MOBP: variants seen among roughly 807,000 people sequenced by gnomAD.
MOBP encodes myelin associated oligodendrocyte basic protein, also known as myelin-associated oligodendrocyte basic protein.
In MOBP, 5 loss-of-function variants were observed where a neutral mutation model predicts 15.0. The ratio of observed to expected loss-of-function variants is 0.33; its 90% CI spans 0.17 to 0.70. The LOEUF is 0.70. Among genes scored for constraint, MOBP ranks in the 30% least tolerant of loss-of-function variants. The pLI is 0.67. For missense variants in MOBP, 188 were observed against 257.8 expected (o/e 0.73, Z 1.85); for synonymous variants, 88 against 99.0 (o/e 0.89, Z 0.66).
intron 1 of MOBP, among the ~76,000 whole-genome samples, chr3:39,469,554 C>T (rs946707029): frequency 6.6e-6 from 1 of 152,010 alleles, no homozygotes; most frequent in Non-Finnish European, 1.5e-5. Context: ...GTTGTCCTGT[C>T]CCCTCAGCCT....
intron 2 of MOBP, among the ~76,000 whole-genome samples, chr3:39,490,494 C>T (rs533464569): frequency 6.6e-6 from 1 of 152,266 alleles, no homozygotes; most frequent in East Asian, 1.9e-4. Flanking sequence ...AAATGTTAGA[C>T]ACTTCCTCTT....
chr3:39,487,768 C>T (rs1007208538), intron 2 of MOBP, among the ~76,000 whole-genome samples: 3 of 151,768 alleles, frequency 2.0e-5, no homozygotes, highest in Admixed American at 6.6e-5. Flanking sequence ...GTGATCTGCC[C>T]GCATCGGCCT....
In MOBP at chr3:39,511,567, C is replaced by G. The variant is rs375199936; in HGVS notation, c.*-1816C>G. On this transcript the variant is annotated intron_variant, in intron 4 of 4. Transcript: ENST00000311042. ...AGTGATAAGGGGTCCTGGCATAGCC[C>G]TCTGACTTAAGAGCCTTCACACTTC... is the stretch of plus-strand genomic sequence containing the variant. Among the ~76,000 whole-genome samples the G allele has an allele frequency of 1.4e-4, 22 of 152,274 alleles. No individual in the cohort carries two copies. In the East Asian group the frequency reaches 2.7e-3, roughly 19 times the overall value.
chr3:39,477,617 A>C (rs924320800), intron 1 of MOBP, among the ~76,000 whole-genome samples: 1 of 151,106 alleles, frequency 6.6e-6, no homozygotes, highest in African/African-American at 2.4e-5. Flanking sequence ...GCTTGTATTA[A>C]AAAAAAGGTA....
chr3:39,482,740 G>A (rs2042646858), intron 2 of MOBP, among the ~76,000 whole-genome samples: 1 of 150,010 alleles, frequency 6.7e-6, no homozygotes, highest in Non-Finnish European at 1.5e-5. Context: ...CTCCCTTATA[G>A]TATTTTTTGA....
Position 39,475,255 on chromosome 3 carries a change from A to G in MOBP, c.-88-4785A>G, listed in dbSNP as rs143514457. Among the ~76,000 whole-genome samples, 8 of 152,322 alleles carry G rather than the reference A, an allele frequency of 5.3e-5. No individual in the cohort carries two copies. In the East Asian group the frequency reaches 1.5e-3, roughly 29 times the overall value. On this transcript the variant is annotated intron_variant, in intron 1 of 3. Coordinates refer to ENST00000684792, the MANE Select transcript of MOBP (RefSeq NM_001393704.1). ...TACACAGGGATGATGTGTGCTTCTC[A>G]TATCAGAGAATAAACGAGGATGATC...
chr3:39,468,354 T>C (rs1559411185), intron 1 of MOBP, among the ~76,000 whole-genome samples: 3 of 152,136 alleles, frequency 2.0e-5, no homozygotes, highest in Non-Finnish European at 4.4e-5. Context: ...GAAAAAATAT[T>C]ATGTGTCAGG....
At chr3:39,514,022 A>C (rs1311612267) in exon 5 of MOBP, 1 of 152,482 alleles carries the variant, frequency 6.6e-6, no homozygotes, top group Non-Finnish European at 1.5e-5. Flanking sequence ...TGATCCAGAG[A>C]TGCAAAGAAA....
At chr3:39,503,177 TC>T, downstream of MOBP, 1 of 408,634 alleles carries the variant, frequency 2.4e-6, no homozygotes, top group East Asian at 4.0e-5. Flanking sequence ...ATAAATGAGT[TC>T]CTCAATGCCT....
chr3:39,499,870 T>C, intron 2 of MOBP: 3 of 379,172 alleles, frequency 7.9e-6, no homozygotes, highest in South Asian at 6.0e-5. Context: ...TGCTTAGGTA[T>C]CAGTCATTCC....
chr3:39,489,331 T>C (rs2042760642), intron 2 of MOBP, among the ~76,000 whole-genome samples: 1 of 152,170 alleles, frequency 6.6e-6, no homozygotes, highest in South Asian at 2.1e-4. Context: ...GGGTAAGAGA[T>C]AGTCTGTTAA....
chr3:39,484,741 A>G (rs1298783988), intron 2 of MOBP, among the ~76,000 whole-genome samples: 1 of 152,230 alleles, frequency 6.6e-6, no homozygotes, highest in Non-Finnish European at 1.5e-5. Context: ...CTCCTGAAAT[A>G]ATTGCTAAAT....
chr3:39,484,497 G>T (rs1037861395), intron 2 of MOBP, among the ~76,000 whole-genome samples: 112 of 152,296 alleles, frequency 7.4e-4, no homozygotes, highest in Admixed American at 2.7e-3. Flanking sequence ...CCAGCCAGCA[G>T]ATAAACGGAG....
At chr3:39,475,525 C>T (rs893966371) in intron 1 of MOBP, among the ~76,000 whole-genome samples, 1 of 152,102 alleles carries the variant, frequency 6.6e-6, no homozygotes, top group African/African-American at 2.4e-5. Flanking sequence ...CTATTTCTCT[C>T]ATTACTTCTA....
chr3:39,503,182 A>G (rs1229620315), downstream of MOBP, among the ~76,000 whole-genome samples: 2 of 152,258 alleles, frequency 1.3e-5, no homozygotes, highest in Non-Finnish European at 2.9e-5. Context: ...TGAGTTCCTC[A>G]ATGCCTATGC....
downstream of MOBP, among the ~76,000 whole-genome samples, chr3:39,504,890 T>C (rs140940552): frequency 6.6e-6 from 1 of 152,382 alleles, no homozygotes; most frequent in African/African-American, 2.4e-5. Context: ...GAAACAGTGC[T>C]ATTTCTGAGG....
At chr3:39,507,153 A>G (rs914331262), downstream of MOBP, among the ~76,000 whole-genome samples, 4 of 152,284 alleles carry the variant, frequency 2.6e-5, no homozygotes, top group East Asian at 7.7e-4. Flanking sequence ...TTAATTCATC[A>G]TTGACATTAA....
At chr3:39,505,842 G>C (rs573514187), downstream of MOBP, among the ~76,000 whole-genome samples, 1 of 152,310 alleles carries the variant, frequency 6.6e-6, no homozygotes, top group African/African-American at 2.4e-5. Context: ...AGCTGCTGAG[G>C]ATGGTCATGT....
In MOBP at chr3:39,513,667, GCT is replaced by G. The variant is rs1188675343; in HGVS notation, c.*287_*288del. ...CAGGGGGTTCCAGCAGCACCCGCAGGCTCTAGAGCTCAATGCACAGTTCTTTT... is the reference window on the plus strand; with the variant it reads ...CAGGGGGTTCCAGCAGCACCCGCAGGCTAGAGCTCAATGCACAGTTCTTTT... On this transcript the variant is annotated 3_prime_UTR_variant, in exon 5 of 5. Coordinates refer to the MOBP transcript ENST00000311042. 60 of 519,946 alleles carry G rather than the reference GCT, an allele frequency of 1.2e-4. No homozygotes were observed. In the Middle Eastern group the frequency reaches 4.9e-3, roughly 43 times the overall value. 32.2% of individuals were successfully genotyped at this position (519,946 alleles called of 1,614,324 possible).
Sources: gnomAD v4.1 joint callset for allele counts (sites outside exome capture counted in the v4.1 genomes callset) on GRCh38, gnomAD v4.1.1 for gene constraint, MANE v1.5 for transcripts, NCBI Gene and HGNC (gene_info 2026-07-23, HGNC 2026-07-21) for gene names.